RYR3: variants seen among roughly 807,000 people sequenced by gnomAD.
The protein encoded by RYR3 is brain ryanodine receptor-calcium release channel.
A neutral mutation model predicts 584.3 loss-of-function variants in RYR3; 207 were observed. That is an observed-to-expected ratio of 0.35 (90% CI 0.32 to 0.40). The LOEUF is 0.40. Among genes scored for constraint, RYR3 ranks in the 10% least tolerant of loss-of-function variants. RYR3 has a pLI of 1.00. For missense variants in RYR3, 5,616 were observed against 6,089.2 expected (o/e 0.92, Z 2.59); for synonymous variants, 2,416 against 2,248.5 (o/e 1.07, Z -2.11).
At position 33,859,705 on chromosome 15, in the gene RYR3, T is replaced by C. The variant is rs751677803; in HGVS notation, c.14273T>C (p.Ile4758Thr). ...VFDITFFFFVIVILLAIIQGL... is the reference protein window; with the variant it reads ...VFDITFFFFVTVILLAIIQGL... Reference sequence around the variant, plus strand: ...GACATTACCTTTTTCTTCTTCGTCATTGTCATCTTGCTGGCCATCATTCAA... The same window carrying C: ...GACATTACCTTTTTCTTCTTCGTCACTGTCATCTTGCTGGCCATCATTCAA... The change falls in exon 100 of 104, where the codon ATT (isoleucine) becomes ACT (threonine). Residue 4758 changes from isoleucine (I) to threonine (T), a missense_variant. By Grantham distance (89) the Ile-to-Thr change is moderately conservative. This residue lies in a region of RYR3 where 918 missense variants were observed against 887.4 expected (regional missense o/e 1.03). Transcript: ENST00000634891. The C allele has an allele frequency of 1.9e-6, 3 of 1,611,542 alleles. No homozygotes were observed. The highest frequency in any genetic ancestry group is 8.5e-7 in the Non-Finnish European group (1 of 1,178,602).
chr15:33,725,210 C>G (rs1331590360), intron 45 of RYR3, among the ~76,000 whole-genome samples: 1 of 145,556 alleles, frequency 6.9e-6, no homozygotes, highest in African/African-American at 2.6e-5. Context: ...CACATATATA[C>G]ATCCCTTCTT....
intron 1 of RYR3, among the ~76,000 whole-genome samples, chr15:33,349,873 C>T (rs970313994): frequency 1.3e-5 from 2 of 151,784 alleles, no homozygotes; most frequent in African/African-American, 2.4e-5. Context: ...GGATAGTTTA[C>T]TGAGACTGAT....
intron 32 of RYR3, among the ~76,000 whole-genome samples, chr15:33,654,658 G>A (rs1454924693): frequency 6.6e-6 from 1 of 152,176 alleles, no homozygotes. Flanking sequence ...TTATTGGTAA[G>A]AAATTTGTTT....
rs1207059445 is a variant in RYR3 at position 33,844,906 on chromosome 15, C to A, written c.13341C>A (p.Asn4447Lys). The stretch of plus-strand genomic sequence containing the variant: ...AAGAAGAGACAGAGGATGTTGCAAA[C>A]CTATGGAATTCCTTTAATGACGAGG... The part of the protein sequence containing the change: ...PLEEETEDVA[N>K]LWNSFNDEEE... The change falls in exon 93 of 104, where the codon AAC becomes AAA. Residue 4447 changes from asparagine (N) to lysine (K), a missense_variant. Around this residue, in one of 9 missense-constraint regions of RYR3, gnomAD observed 918 missense variants for 887.4 expected, o/e 1.03. Transcript: ENST00000634891. The A allele has an allele frequency of 2.5e-6, 4 of 1,613,992 alleles. No individual in the cohort carries two copies. The Admixed American group carries it at 5.0e-5, about 20-fold the overall frequency.
chr15:33,750,664 G>A lies in RYR3; in HGVS notation c.8399+378G>A, dbSNP rs970418317. Among the ~76,000 whole-genome samples, 3 of 152,114 alleles carry A rather than the reference G, an allele frequency of 2.0e-5. No homozygotes were observed. In the East Asian group the frequency reaches 5.8e-4, roughly 29 times the overall value. ...ACAACCTCAAAGCTTTGGAATTTGGGCTTCTTTAAAGAGTGGTGATAATTT... is the reference window on the plus strand; with the variant it reads ...ACAACCTCAAAGCTTTGGAATTTGGACTTCTTTAAAGAGTGGTGATAATTT... On this transcript the variant is annotated intron_variant, in intron 57 of 103. Transcript: ENST00000634891.
At position 33,649,230 on chromosome 15, in the gene RYR3, T is replaced by G. The variant is rs756654021; in HGVS notation, c.4137T>G (p.His1379Gln). Residue 1379 changes from histidine (H) to glutamine (Q), a missense_variant, in exon 31 of 104, where the codon CAT (histidine) becomes CAG (glutamine). Physicochemically the swap from His to Gln is conservative, Grantham distance 24. Coordinates refer to ENST00000634891, the MANE Select transcript of RYR3 (RefSeq NM_001036.6). ...VTLGDERGRV[H>Q]ESVKRSNCYM... ...TAGGGGATGAAAGAGGCCGGGTCCA[T>G]GAAAGGTAAGGGGGCTCCCAAGTGG... is the stretch of plus-strand genomic sequence containing the variant. 6.2e-7 allele frequency: 1 copy of G among 1,611,794 alleles called. No homozygotes were observed. Among genetic ancestry groups the G allele is most frequent in the Non-Finnish European group, 8.5e-7 (1 of 1,179,408 alleles).
chr15:33,349,644 G>T (rs1026902423), intron 1 of RYR3, among the ~76,000 whole-genome samples: 1 of 146,348 alleles, frequency 6.8e-6, no homozygotes, highest in African/African-American at 2.5e-5. Flanking sequence ...TGCACAATGT[G>T]CAGGTTCGTT....
chr15:33,670,514 C>A lies in RYR3; in HGVS notation c.5818C>A (p.Pro1940Thr). ...LVYKIKGPPK[P>T]EKEQPTEEEE... ...TTACAAAATCAAAGGCCCACCCAAG[C>A]CAGAGAAGGAGCAGCCGACGGAGGA... The change falls in exon 38 of 104, where the codon CCA becomes ACA. Residue 1940 changes from proline to threonine, a missense_variant. By Grantham distance (38) the Pro-to-Thr change is conservative. Around this residue, in one of 9 missense-constraint regions of RYR3, gnomAD observed 1,280 missense variants for 1,426.2 expected, o/e 0.90. Coordinates refer to ENST00000634891, the MANE Select transcript of RYR3 (RefSeq NM_001036.6). 1 of 1,601,920 alleles carries A rather than the reference C, an allele frequency of 6.2e-7. No individual in the cohort carries two copies. The highest frequency in any genetic ancestry group is 8.5e-7 in the Non-Finnish European group (1 of 1,176,462).
At chr15:33,622,009 G>A (rs1382616937) in intron 19 of RYR3, among the ~76,000 whole-genome samples, 8 of 152,040 alleles carry the variant, frequency 5.3e-5, no homozygotes, top group South Asian at 2.1e-4. Context: ...GAGCAATTCC[G>A]AACAAGCCTA....
intron 16 of RYR3, among the ~76,000 whole-genome samples, chr15:33,592,666 C>T (rs77637522): frequency 0.015 from 2,343 of 152,244 alleles, 23 homozygotes; most frequent in South Asian, 0.025. Context: ...CCTCTCCAGC[C>T]AGGTATTCCA....
rs558436924 is a variant in RYR3, at chr15:33,602,976, A to G, written c.1923-147A>G. ...GATCCCAGACTCCTGGCTTTTAGAG[A>G]TCCCTCCCATCTTTTGAGCAATATG... On this transcript the variant is annotated intron_variant, in intron 17 of 103. Coordinates refer to ENST00000634891, the MANE Select transcript of RYR3 (RefSeq NM_001036.6). 2.7e-5 allele frequency: 22 copies of G among 821,616 alleles called. No homozygotes were observed. The African/African-American group carries it at 3.8e-4, about 14-fold the overall frequency. 50.9% of individuals were successfully genotyped at this position (821,616 alleles called of 1,614,324 possible). A position where few individuals can be genotyped will look rare whatever the true frequency, so the allele number is the denominator to read the frequency against.
intron 89 of RYR3, among the ~76,000 whole-genome samples, chr15:33,839,937 A>C (rs1483990913): frequency 1.3e-5 from 2 of 152,342 alleles, no homozygotes; most frequent in East Asian, 3.9e-4. Context: ...CCATTCCAGG[A>C]CTGCTATGTG....
At chr15:33,410,001 T>C (rs761453233) in intron 1 of RYR3, among the ~76,000 whole-genome samples, 2 of 152,180 alleles carry the variant, frequency 1.3e-5, no homozygotes, top group Non-Finnish European at 2.9e-5. Flanking sequence ...AAAGCAGGCA[T>C]AAACCCCAAA....
chr15:33,342,170 G>A (rs1971899877), intron 1 of RYR3, among the ~76,000 whole-genome samples: 1 of 152,228 alleles, frequency 6.6e-6, no homozygotes, highest in Non-Finnish European at 1.5e-5. Context: ...CGGCACTTAG[G>A]AAGGTGGCAG....
intron 22 of RYR3, 70 bp downstream of exon 22, chr15:33,630,113 C>G: frequency 2.5e-6 from 2 of 815,302 alleles, no homozygotes; most frequent in South Asian, 1.7e-5. Context: ...AACTAAACTG[C>G]AAAGATATGT....
chr15:33,621,191 T>C (rs1374804736), intron 19 of RYR3, among the ~76,000 whole-genome samples: 1 of 152,252 alleles, frequency 6.6e-6, no homozygotes, highest in Non-Finnish European at 1.5e-5. Flanking sequence ...ACAGAGCTCA[T>C]GAATAATTAA....
At position 33,861,369 on chromosome 15, in the gene RYR3, G is replaced by A. The variant is rs150100221; in HGVS notation, c.14465+191G>A. Among the ~76,000 whole-genome samples the A allele has an allele frequency of 4.4e-3, 672 of 152,130 alleles. 6 individuals are homozygous for A. The highest frequency in any genetic ancestry group is 0.016 in the African/African-American group (648 of 41,466). ...TAGACGTGTGTTGTGGACAATTCCC[G>A]CTCCTAGCAAAAGGCCAGCCCCTCA... On this transcript the variant is annotated intron_variant, in intron 102 of 103. Transcript: ENST00000634891.
intron 69 of RYR3, among the ~76,000 whole-genome samples, chr15:33,804,096 T>A (rs1031547200): frequency 2.0e-5 from 3 of 152,230 alleles, no homozygotes; most frequent in Non-Finnish European, 4.4e-5. Context: ...CATCACTGAA[T>A]GAGGAAAAGC....
chr15:33,709,488 A>C (rs991037925), intron 43 of RYR3, among the ~76,000 whole-genome samples: 1 of 152,238 alleles, frequency 6.6e-6, no homozygotes, highest in African/African-American at 2.4e-5. Context: ...ATGTTTTAGA[A>C]ACTTAATCCC....
Sources: allele counts gnomAD v4.1 joint callset (sites outside exome capture counted in the v4.1 genomes callset), GRCh38; gene constraint gnomAD v4.1.1; regional missense constraint gnomAD v4.1.1; transcripts MANE v1.5; gene names NCBI Gene and HGNC (gene_info 2026-07-23, HGNC 2026-07-21).